Variants in P4HA1 observed in about 807,000 individuals in gnomAD.
P4HA1 encodes prolyl 4-hydroxylase subunit alpha 1.
In P4HA1, 24 loss-of-function variants were observed where a neutral mutation model predicts 72.8. That is an observed-to-expected ratio of 0.33 (90% CI 0.24 to 0.46). The LOEUF is 0.46. P4HA1 is among the 20% of genes least tolerant of loss of function. The probability of loss-of-function intolerance (pLI) is 1.00; values close to 1 mark genes in which losing one functional copy is unlikely to be tolerated. For synonymous variants in P4HA1, 201 were observed against 218.8 expected (o/e 0.92, Z 0.72); for missense variants, 446 against 640.6 (o/e 0.70, Z 3.28).
chr10:73,011,112 T>C (rs1020567015), intron 12 of P4HA1, 75 bp from the exon 13 acceptor site: 25 of 1,078,514 alleles, frequency 2.3e-5, no homozygotes, highest in Non-Finnish European at 3.4e-5. Context: ...AGACTTGATA[T>C]TGGATACTAG....
chr10:73,029,045 G>T (rs1388924210), intron 10 of P4HA1, among the ~76,000 whole-genome samples: 2 of 151,868 alleles, frequency 1.3e-5, no homozygotes, highest in African/African-American at 4.8e-5. Flanking sequence ...AAAAAGAAAG[G>T]TTGAAAAGAA....
At chr10:73,033,713 T>C (rs1840494379) in intron 9 of P4HA1, among the ~76,000 whole-genome samples, 1 of 152,186 alleles carries the variant, frequency 6.6e-6, no homozygotes, top group African/African-American at 2.4e-5. Context: ...CTTCACATTA[T>C]ATTAAAACGA....
intron 5 of P4HA1, among the ~76,000 whole-genome samples, chr10:73,064,267 G>T (rs1213074533): frequency 6.6e-6 from 1 of 152,102 alleles, no homozygotes; most frequent in Admixed American, 6.5e-5. Context: ...TTGAGCTCAG[G>T]AGTTCGAAAC....
chr10:73,060,062 G>C lies in P4HA1; in HGVS notation c.464-6472C>G, dbSNP rs78530744. 6.7e-3 allele frequency among the ~76,000 whole-genome samples: 1,026 copies of C among 152,230 alleles called. 9 individuals carry two copies. Among genetic ancestry groups the C allele is most frequent in the African/African-American group, 0.023 (953 of 41,548 alleles). ...AACATGTTAAGGGCATAGCCACAAAGAGAAATGAATTACCTCAGATGTCTT... is the reference window on the plus strand; with the variant it reads ...AACATGTTAAGGGCATAGCCACAAACAGAAATGAATTACCTCAGATGTCTT... On this transcript the variant is annotated intron_variant, in intron 5 of 14. Transcript: ENST00000394890.
At chr10:73,012,616 G>T (rs1309440716) in intron 12 of P4HA1, among the ~76,000 whole-genome samples, 1 of 144,324 alleles carries the variant, frequency 6.9e-6, no homozygotes, top group East Asian at 2.2e-4. Context: ...GGGAAGAAGG[G>T]AAAGAAAACA....
chr10:73,051,375 A>G (rs1841015646), intron 6 of P4HA1, 126 bp from the exon 7 acceptor site: 1 of 584,568 alleles, frequency 1.7e-6, no homozygotes, highest in Admixed American at 3.0e-5. Flanking sequence ...TTGTGAGTGA[A>G]AGGAGGCACT....
chr10:73,056,525 A>G (rs1172452276), intron 5 of P4HA1, among the ~76,000 whole-genome samples: 1 of 151,980 alleles, frequency 6.6e-6, no homozygotes, highest in African/African-American at 2.4e-5. Context: ...CCAGCTACTC[A>G]GGAGGCTGAG....
At chr10:73,019,706 G>T (rs1780139466) in intron 10 of P4HA1, among the ~76,000 whole-genome samples, 1 of 113,808 alleles carries the variant, frequency 8.8e-6, no homozygotes, top group Non-Finnish European at 1.6e-5. Context: ...CTCCAGCGTG[G>T]CGACAGAGCG....
intron 9 of P4HA1, among the ~76,000 whole-genome samples, chr10:73,040,476 ATTTTTT>A (rs1217054869): frequency 8.1e-6 from 1 of 123,590 alleles, no homozygotes; most frequent in Non-Finnish European, 1.6e-5. Flanking sequence ...GAATTCATGA[ATTTTTT>A]TTTTTTTTTT....
chr10:73,025,185 G>C (rs920428218), intron 10 of P4HA1, among the ~76,000 whole-genome samples: 2 of 152,122 alleles, frequency 1.3e-5, no homozygotes, highest in Non-Finnish European at 1.5e-5. Context: ...AACAAAAAAA[G>C]AGAATTTTAG....
chr10:73,059,046 G>A (rs539304206), intron 5 of P4HA1, among the ~76,000 whole-genome samples: 4 of 152,100 alleles, frequency 2.6e-5, no homozygotes, highest in Non-Finnish European at 4.4e-5. Flanking sequence ...TCAGAGTGCT[G>A]GGATTACAGG....
chr10:73,013,104 C>CT (rs921080867), intron 12 of P4HA1, among the ~76,000 whole-genome samples: 2 of 152,096 alleles, frequency 1.3e-5, no homozygotes, highest in Non-Finnish European at 2.9e-5. Context: ...CCTAAAATAT[C>CT]TTTTTTAAGT....
chr10:73,082,049 C>G (rs1841836942), intron 1 of P4HA1, among the ~76,000 whole-genome samples: 1 of 152,176 alleles, frequency 6.6e-6, no homozygotes, highest in Admixed American at 6.5e-5. Flanking sequence ...GACCCCACAA[C>G]CATTCTGTGG....
intron 1 of P4HA1, among the ~76,000 whole-genome samples, chr10:73,078,001 A>G (rs934757949): frequency 7.3e-5 from 11 of 151,196 alleles, no homozygotes; most frequent in Admixed American, 3.9e-4. Context: ...AAAAAAAAAA[A>G]AGAGAGAAAG....
At chr10:73,011,592 TATAGTC>T (rs1298512803) in intron 12 of P4HA1, among the ~76,000 whole-genome samples, 1 of 152,154 alleles carries the variant, frequency 6.6e-6, no homozygotes, top group African/African-American at 2.4e-5. Context: ...TATATAAAGT[TATAGTC>T]ATAAAGATAA....
chr10:73,047,342 AG>A (rs1840890837), intron 7 of P4HA1, among the ~76,000 whole-genome samples: 1 of 152,116 alleles, frequency 6.6e-6, no homozygotes, highest in Non-Finnish European at 1.5e-5. Flanking sequence ...GGAGAAAGGT[AG>A]TGTATCTCTT....
At chr10:73,050,668 C>G (rs989185175) in intron 7 of P4HA1, among the ~76,000 whole-genome samples, 4 of 150,192 alleles carry the variant, frequency 2.7e-5, no homozygotes, top group Non-Finnish European at 5.9e-5. Context: ...CCACTGCACT[C>G]TAGCCTGGGT....
At chr10:73,030,397 A>G (rs754831728) in intron 9 of P4HA1, 27 bp from the exon 10 acceptor site, 1 of 1,242,404 alleles carries the variant, frequency 8.0e-7, no homozygotes, top group East Asian at 2.4e-5. Context: ...TATTAGTTTT[A>G]TTGATAATGT....
intron 5 of P4HA1, among the ~76,000 whole-genome samples, chr10:73,057,870 A>G (rs1215287042): frequency 6.6e-6 from 1 of 151,852 alleles, no homozygotes; most frequent in Non-Finnish European, 1.5e-5. Flanking sequence ...CAGACGGACT[A>G]CTTGAGCTCA....
Sources: allele counts gnomAD v4.1 joint callset (sites outside exome capture counted in the v4.1 genomes callset), GRCh38; gene constraint gnomAD v4.1.1; transcripts MANE v1.5; gene names NCBI Gene and HGNC (gene_info 2026-07-23, HGNC 2026-07-21).